GALNT13: variants seen among roughly 807,000 people sequenced by gnomAD.
The protein encoded by GALNT13 is UDP-GalNAc:polypeptide N-acetylgalactosaminyltransferase 13.
A neutral mutation model predicts 64.2 loss-of-function variants in GALNT13; 28 were observed. The ratio of observed to expected loss-of-function variants is 0.44; its 90% CI spans 0.32 to 0.60. The LOEUF is 0.60. Ranked by LOEUF, GALNT13 falls within the 20% of genes least tolerant of loss-of-function variation. The probability of loss-of-function intolerance (pLI) is 0.05; values close to 1 mark genes in which losing one functional copy is unlikely to be tolerated. For synonymous variants in GALNT13, 214 were observed against 224.6 expected (o/e 0.95, Z 0.42); for missense variants, 577 against 669.8 (o/e 0.86, Z 1.53).
chr2:153,477,803 A>G, the GALNT13 span: 1 of 170,070 alleles, frequency 5.9e-6, no homozygotes, highest in Non-Finnish European at 1.2e-5. Context: ...GTGAGACCCC[A>G]TGAGTCTGCT....
At chr2:153,097,926 C>T in the GALNT13 span, among the ~76,000 whole-genome samples, 2 of 151,984 alleles carry the variant, frequency 1.3e-5, no homozygotes, top group East Asian at 1.9e-4. Flanking sequence ...ATTAGCTGGG[C>T]GTGGTCGTGG....
At chr2:154,333,960 A>G (rs1317750747) in intron 9 of GALNT13, among the ~76,000 whole-genome samples, 1 of 152,002 alleles carries the variant, frequency 6.6e-6, no homozygotes, top group African/African-American at 2.4e-5. Flanking sequence ...TATTTCTACA[A>G]TTGTCGTAAC....
the GALNT13 span, among the ~76,000 whole-genome samples, chr2:153,638,243 T>C: frequency 1.3e-5 from 2 of 152,040 alleles, no homozygotes; most frequent in Non-Finnish European, 2.9e-5. Flanking sequence ...ATTCATTGGA[T>C]CTCCAGGAAG....
chr2:153,468,247 A>C, the GALNT13 span, among the ~76,000 whole-genome samples: 1 of 152,088 alleles, frequency 6.6e-6, no homozygotes. Flanking sequence ...CTTTCTCTAC[A>C]CAGCACATTA....
intron 3 of GALNT13, among the ~76,000 whole-genome samples, chr2:154,100,787 G>T (rs10804102): frequency 0.32 from 48,183 of 151,648 alleles, 8,180 homozygotes; most frequent in Non-Finnish European, 0.39. Flanking sequence ...TTTCCAGTTC[G>T]TAGGGGGAAA....
At chr2:154,043,221 T>C (rs1463535980) in intron 3 of GALNT13, among the ~76,000 whole-genome samples, 1 of 151,802 alleles carries the variant, frequency 6.6e-6, no homozygotes, top group African/African-American at 2.4e-5. Flanking sequence ...ACAGAACTTG[T>C]AAGTCACTGT....
the GALNT13 span, among the ~76,000 whole-genome samples, chr2:153,221,440 G>A: frequency 6.6e-6 from 1 of 152,174 alleles, no homozygotes; most frequent in Non-Finnish European, 1.5e-5. Flanking sequence ...AAGAGAGTTG[G>A]TCTGCTTAAT....
the GALNT13 span, among the ~76,000 whole-genome samples, chr2:153,147,238 G>A: frequency 1.3e-5 from 2 of 151,748 alleles, no homozygotes; most frequent in Non-Finnish European, 2.9e-5. Flanking sequence ...GATCCTGCTG[G>A]AGCCCTATGT....
chr2:153,541,857 C>G, the GALNT13 span, among the ~76,000 whole-genome samples: 1 of 152,200 alleles, frequency 6.6e-6, no homozygotes, highest in Non-Finnish European at 1.5e-5. Flanking sequence ...ATCTTTGGGC[C>G]TTCATTCTGA....
At chr2:153,678,175 A>ATC in the GALNT13 span, among the ~76,000 whole-genome samples, 1 of 149,750 alleles carries the variant, frequency 6.7e-6, no homozygotes, top group African/African-American at 2.4e-5. Flanking sequence ...ATATATATAT[A>ATC]TCCAATATAT....
At chr2:154,042,180 G>A (rs558954307) in intron 3 of GALNT13, among the ~76,000 whole-genome samples, 1 of 139,998 alleles carries the variant, frequency 7.1e-6, no homozygotes, top group South Asian at 2.3e-4. Context: ...GAACACTAGA[G>A]GAGGACCCCT....
At chr2:153,972,734 C>T (rs1198781008) in intron 3 of GALNT13, among the ~76,000 whole-genome samples, 3 of 151,918 alleles carry the variant, frequency 2.0e-5, no homozygotes, top group Non-Finnish European at 4.4e-5. Flanking sequence ...GCAGATACTT[C>T]CCTCACCTAA....
chr2:153,172,500 G>A, the GALNT13 span, among the ~76,000 whole-genome samples: 11 of 152,180 alleles, frequency 7.2e-5, no homozygotes, highest in South Asian at 1.7e-3. Context: ...GCACCACTGA[G>A]AGCTGAGGTG....
At position 154,408,020 on chromosome 2, in the gene GALNT13, A is replaced by G. The variant is rs138076556; in HGVS notation, c.1297-964A>G. Among the ~76,000 whole-genome samples the G allele has an allele frequency of 1.4e-4, 21 of 152,246 alleles. No homozygotes were observed. In the East Asian group the frequency reaches 2.7e-3, roughly 20 times the overall value. ...ATAGATAAGTAAATATATGTGTCCAATAATTCTACCAACTGAACAGTAAAA... is the reference window on the plus strand; with the variant it reads ...ATAGATAAGTAAATATATGTGTCCAGTAATTCTACCAACTGAACAGTAAAA... On this transcript the variant is annotated intron_variant, in intron 10 of 12. Coordinates refer to ENST00000392825, the MANE Select transcript of GALNT13 (RefSeq NM_052917.4).
the GALNT13 span, among the ~76,000 whole-genome samples, chr2:153,605,378 G>A: frequency 0.24 from 35,813 of 151,900 alleles, 4,988 homozygotes; most frequent in African/African-American, 0.39. Context: ...ACCTGCTTCT[G>A]AAATGTCCTG....
intron 9 of GALNT13, among the ~76,000 whole-genome samples, chr2:154,311,210 C>T (rs1346262259): frequency 6.6e-6 from 1 of 151,942 alleles, no homozygotes; most frequent in African/African-American, 2.4e-5. Context: ...CATATATGTA[C>T]ATATTTATTT....
At chr2:153,452,038 A>G in the GALNT13 span, among the ~76,000 whole-genome samples, 6 of 152,238 alleles carry the variant, frequency 3.9e-5, no homozygotes, top group African/African-American at 1.2e-4. Flanking sequence ...AACAGCCAGC[A>G]TCGCTTGTAC....
the GALNT13 span, among the ~76,000 whole-genome samples, chr2:153,428,202 A>G: frequency 1.3e-5 from 2 of 152,174 alleles, no homozygotes; most frequent in Non-Finnish European, 2.9e-5. Flanking sequence ...TTGTAAAGGA[A>G]TAGCTGAGGT....
chr2:153,975,311 C>CT (rs760996364), intron 3 of GALNT13, among the ~76,000 whole-genome samples: 5 of 151,940 alleles, frequency 3.3e-5, no homozygotes, highest in Non-Finnish European at 7.4e-5. Flanking sequence ...ACCCCTGCTC[C>CT]TTTTTTACTG....
Sources: gnomAD v4.1 joint callset for allele counts (sites outside exome capture counted in the v4.1 genomes callset) on GRCh38, gnomAD v4.1.1 for gene constraint, MANE v1.5 for transcripts, NCBI Gene and HGNC (gene_info 2026-07-23, HGNC 2026-07-21) for gene names.